The following FSD2 variants were observed in gnomAD, a reference collection of about 807,000 sequenced individuals.
FSD2 encodes fibronectin type III and SPRY domain containing 2, also known as fibronectin type III and SPRY domain-containing protein 2.
In FSD2, 71 loss-of-function variants were observed where a neutral mutation model predicts 80.4. The observed-to-expected ratio is 0.88, with a 90% confidence interval of 0.73 to 1.08. The LOEUF is 1.08. FSD2 is among the 50% of genes least tolerant of loss of function. The pLI is 0.00. For missense variants in FSD2, 923 were observed against 913.8 expected, an observed-to-expected ratio of 1.01 and a Z score of -0.13; for synonymous variants, 361 against 329.5, an observed-to-expected ratio of 1.10 and a Z score of -1.03.
Position 82,786,786 on chromosome 15 carries a change from A to T in FSD2, c.605T>A (p.Val202Glu), listed in dbSNP as rs1266603228. The T allele has an allele frequency of 1.2e-6, 2 of 1,613,864 alleles. No homozygotes were observed. Among genetic ancestry groups the T allele is most frequent in the Non-Finnish European group, 1.7e-6 (2 of 1,179,860 alleles). The change falls in exon 2 of 13, where the codon GTG (valine) becomes GAG (glutamate). Residue 202 changes from valine (V) to glutamate (E), a missense_variant. Coordinates refer to ENST00000334574, the MANE Select transcript of FSD2 (RefSeq NM_001007122.4). Reference protein sequence around the residue: ...KVFDEHKEHEVIPLNEALESA... With the variant: ...KVFDEHKEHEEIPLNEALESA... ...TTCCAGTGCTTCATTGAGTGGGATC[A>T]CTTCATGCTCCTTATGTTCATCAAA...
chr15:82,805,140 A>ATTTTTTT (rs57346494), intron 1 of FSD2, among the ~76,000 whole-genome samples: 1 of 131,612 alleles, frequency 7.6e-6, no homozygotes, highest in Non-Finnish European at 1.6e-5. Context: ...TCCCCCAATA[A>ATTTTTTT]TTTTTTTTTT....
chr15:82,762,051 G>A, intron 12 of FSD2, 51 bp downstream of exon 12: 1 of 1,440,684 alleles, frequency 6.9e-7, no homozygotes, highest in Non-Finnish European at 9.4e-7. Context: ...AGGTCTTGCT[G>A]TAATCTTTCA....
At chr15:82,764,492 C>T (rs1386057674) in intron 11 of FSD2, among the ~76,000 whole-genome samples, 9 of 86,134 alleles carry the variant, frequency 1.0e-4, no homozygotes, top group Admixed American at 4.0e-4. Context: ...TCTTTACTTG[C>T]TTTTTTTTTT....
In FSD2 at chr15:82,787,227, G is replaced by C; in HGVS notation, c.164C>G (p.Ser55Ter). ...KVVQAEMANE[S>*]RGAGDGKAQR... ...AGCCTTACCATCCCCTGCTCCTCTT[G>C]ACTCATTGGCCATTTCAGCTTGGAC... Residue 55 changes from serine (S) to a stop codon, truncating the protein, a stop_gained, in exon 2 of 13, where the codon TCA becomes TGA. Coordinates refer to ENST00000334574, the MANE Select transcript of FSD2 (RefSeq NM_001007122.4). LOFTEE classifies it high-confidence loss of function. 1 of 1,613,820 alleles carries C rather than the reference G, an allele frequency of 6.2e-7. No individual in the cohort carries two copies. Among genetic ancestry groups the C allele is most frequent in the Non-Finnish European group, 8.5e-7 (1 of 1,179,880 alleles).
At chr15:82,766,480 GC>G (rs1352537863) in intron 9 of FSD2, among the ~76,000 whole-genome samples, 2 of 152,192 alleles carry the variant, frequency 1.3e-5, no homozygotes, top group East Asian at 3.9e-4. Flanking sequence ...AATGGCTCAT[GC>G]CTGTAATTCC....
chr15:82,755,869 T>A lies in FSD2; in HGVS notation c.*3479A>T. 1 of 426,986 alleles carries A rather than the reference T, an allele frequency of 2.3e-6. No individual in the cohort carries two copies. Among genetic ancestry groups the A allele is most frequent in the Non-Finnish European group, 4.7e-6 (1 of 210,870 alleles). 26.4% of individuals were successfully genotyped at this position (426,986 alleles called of 1,614,324 possible). ...AGAGTTAATCTCCTATAGCTTGAAG[T>A]TATACATGATCTTTATTTGAGTATC... On this transcript the variant is annotated 3_prime_UTR_variant, in exon 13 of 13. Coordinates refer to ENST00000334574, the MANE Select transcript of FSD2 (RefSeq NM_001007122.4).
chr15:82,767,958 G>A (rs2049462133), intron 9 of FSD2, among the ~76,000 whole-genome samples: 1 of 152,150 alleles, frequency 6.6e-6, no homozygotes, highest in Non-Finnish European at 1.5e-5. Flanking sequence ...TGGCCTGCCT[G>A]GGTGGTTCAT....
chr15:82,792,566 G>GTGTC (rs1257007669), intron 1 of FSD2, among the ~76,000 whole-genome samples: 1 of 152,106 alleles, frequency 6.6e-6, no homozygotes, highest in Non-Finnish European at 1.5e-5. Context: ...ATTCTGTGAG[G>GTGTC]TGTCCTTTTA....
intron 6 of FSD2, among the ~76,000 whole-genome samples, chr15:82,772,812 A>C (rs920978639): frequency 1.3e-5 from 2 of 152,156 alleles, no homozygotes; most frequent in Non-Finnish European, 2.9e-5. Context: ...CACACAACCA[A>C]GAATAAGAAC....
At chr15:82,797,041 A>AAAAC (rs1566981968) in intron 1 of FSD2, among the ~76,000 whole-genome samples, 1 of 134,820 alleles carries the variant, frequency 7.4e-6, no homozygotes, top group Non-Finnish European at 1.6e-5. Context: ...AAAAAAAAAA[A>AAAAC]CACCTCCAGG....
intron 3 of FSD2, among the ~76,000 whole-genome samples, chr15:82,783,625 C>A (rs918349307): frequency 6.6e-6 from 1 of 152,212 alleles, no homozygotes; most frequent in Non-Finnish European, 1.5e-5. Context: ...ATCACCATGA[C>A]AAGTGACCAG....
intron 6 of FSD2, among the ~76,000 whole-genome samples, chr15:82,777,121 T>C (rs2049731221): frequency 6.6e-6 from 1 of 152,340 alleles, no homozygotes; most frequent in East Asian, 1.9e-4. Context: ...GTATAACTTC[T>C]TAAAGAAAAC....
intron 1 of FSD2, among the ~76,000 whole-genome samples, chr15:82,799,117 C>A (rs1480549120): frequency 6.6e-6 from 1 of 152,150 alleles, no homozygotes; most frequent in Non-Finnish European, 1.5e-5. Context: ...CTTAAGCAAT[C>A]CTCCCGCCTT....
chr15:82,782,065 A>AAATAATAGTAAT (rs2049872370), intron 4 of FSD2, among the ~76,000 whole-genome samples: 1 of 107,024 alleles, frequency 9.3e-6, no homozygotes, highest in African/African-American at 3.9e-5. Flanking sequence ...CTCCATCTCA[A>AAATAATAGTAAT]AATAATAATA....
intron 1 of FSD2, among the ~76,000 whole-genome samples, chr15:82,790,573 C>CGTGT (rs1001546782): frequency 4.0e-5 from 4 of 99,898 alleles, no homozygotes; most frequent in Admixed American, 2.0e-4. Flanking sequence ...TGTGTTCGTG[C>CGTGT]GTGTGTGTGT....
intron 1 of FSD2, among the ~76,000 whole-genome samples, chr15:82,796,857 A>G (rs2050283904): frequency 6.6e-6 from 1 of 152,136 alleles, no homozygotes; most frequent in South Asian, 2.1e-4. Context: ...TTTATATTTA[A>G]TCTTTCCCAG....
At chr15:82,780,846 C>G (rs1372938942) in intron 4 of FSD2, among the ~76,000 whole-genome samples, 1 of 151,972 alleles carries the variant, frequency 6.6e-6, no homozygotes, top group Non-Finnish European at 1.5e-5. Context: ...ACAAAACCAC[C>G]CTTATTTCTG....
chr15:82,804,195 G>A (rs1014439350), intron 1 of FSD2, among the ~76,000 whole-genome samples: 3 of 151,886 alleles, frequency 2.0e-5, no homozygotes, highest in East Asian at 1.9e-4. Context: ...GAAAACAGCC[G>A]ATGATGAAAG....
At chr15:82,794,925 C>T (rs2050228469) in intron 1 of FSD2, among the ~76,000 whole-genome samples, 1 of 152,040 alleles carries the variant, frequency 6.6e-6, no homozygotes, top group African/African-American at 2.4e-5. Context: ...GGGGTTTCAC[C>T]ATGTTAGCCA....
Sources: gnomAD v4.1 joint callset for allele counts (sites outside exome capture counted in the v4.1 genomes callset) on GRCh38, gnomAD v4.1.1 for gene constraint, MANE v1.5 for transcripts, NCBI Gene and HGNC (gene_info 2026-07-23, HGNC 2026-07-21) for gene names.